ITGA6: variants seen among roughly 807,000 people sequenced by gnomAD.
ITGA6 encodes integrin subunit alpha 6.
ITGA6 carries 63 observed loss-of-function variants against 133.6 expected under a neutral mutation model. The ratio of observed to expected loss-of-function variants is 0.47; its 90% CI spans 0.38 to 0.58. The LOEUF (loss-of-function observed/expected upper bound fraction) is 0.58. Among genes scored for constraint, ITGA6 ranks in the 20% least tolerant of loss-of-function variants. The pLI, the probability that ITGA6 is intolerant of heterozygous loss-of-function variation, is 0.00. For synonymous variants in ITGA6, 434 were observed against 482.0 expected (o/e 0.90, Z 1.30); for missense variants, 1,068 against 1,309.4 (o/e 0.82, Z 2.85).
rs754895485 is a variant in ITGA6 at position 172,484,952 on chromosome 2, G to GC, written c.1710+11dup. 5.0e-6 allele frequency: 8 copies of GC among 1,613,194 alleles called. No individual in the cohort carries two copies. The South Asian group carries it at 6.6e-5, about 13-fold the overall frequency. ...AACCCTGTGGCTACAGGTGAGGGCT[G>GC]CAGATGGTCACATCTGTTTTATGAA... On this transcript the variant is annotated intron_variant, in intron 12 of 25. Coordinates refer to ENST00000684293, the MANE Select transcript of ITGA6 (RefSeq NM_000210.4).
chr2:172,471,744 T>C (rs1559137901), intron 5 of ITGA6, among the ~76,000 whole-genome samples: 1 of 152,204 alleles, frequency 6.6e-6, no homozygotes, highest in Non-Finnish European at 1.5e-5. Flanking sequence ...GCATGACTAA[T>C]GGGTGTCCTA....
chr2:172,428,630 C>T lies in ITGA6; in HGVS notation c.182+660C>T, dbSNP rs73976795. 6.6e-3 allele frequency: 1,003 copies of T among 151,776 alleles called. 12 individuals carry two copies. The highest frequency in any genetic ancestry group is 0.022 in the African/African-American group (903 of 41,340). The allele number at this position is 151,776 out of a possible 1,614,324, so 9.4% of individuals were successfully genotyped here. A position where few individuals can be genotyped will look rare whatever the true frequency, so the allele number is the denominator to read the frequency against. ...GACTAGATCAGCTGAGAAAACAAGT[C>T]TGAGTGATGTGCCCAGCCCCCAAAG... On this transcript the variant is annotated intron_variant, in intron 1 of 25. Transcript: ENST00000684293.
chr2:172,452,147 C>T (rs1447227824), intron 1 of ITGA6, among the ~76,000 whole-genome samples: 1 of 152,164 alleles, frequency 6.6e-6, no homozygotes, highest in Non-Finnish European at 1.5e-5. Context: ...TCTCCGGCTT[C>T]CCTCAACCTT....
chr2:172,474,959 G>A lies in ITGA6; in HGVS notation c.1017G>A (p.Gln339=), dbSNP rs748077240. 1.7e-5 allele frequency: 27 copies of A among 1,584,924 alleles called. No individual in the cohort carries two copies. The highest frequency in any genetic ancestry group is 2.3e-5 in the Non-Finnish European group (26 of 1,153,390). ...GWQDIVIGAP[Q]YFDRDGEVGG... ...AAGATATAGTTATTGGAGCCCCACA[G>A]TATTTTGATAGAGATGGAGAAGTTG... is the stretch of plus-strand genomic sequence containing the variant. The change falls in exon 7 of 26, where the codon CAG becomes CAA. Residue 339 remains glutamine, a synonymous_variant. Coordinates refer to ENST00000684293, the MANE Select transcript of ITGA6 (RefSeq NM_000210.4).
intron 5 of ITGA6, chr2:172,472,777 T>C: frequency 6.2e-7 from 1 of 1,604,842 alleles, no homozygotes; most frequent in Non-Finnish European, 8.5e-7. Context: ...CGTACAGGCC[T>C]GCTGTTTTTG....
At chr2:172,458,239 A>G (rs1248195734) in intron 1 of ITGA6, among the ~76,000 whole-genome samples, 1 of 146,424 alleles carries the variant, frequency 6.8e-6, no homozygotes, top group Non-Finnish European at 1.5e-5. Context: ...CACAAAAATA[A>G]TGAATTCTTT....
intron 1 of ITGA6, among the ~76,000 whole-genome samples, chr2:172,435,796 T>G (rs772299542): frequency 1.8e-4 from 28 of 151,740 alleles, no homozygotes; most frequent in Non-Finnish European, 3.8e-4. Flanking sequence ...CCCAGCAATT[T>G]TTTTGTGTTT....
intron 23 of ITGA6, among the ~76,000 whole-genome samples, chr2:172,494,712 C>T (rs1250943787): frequency 6.6e-6 from 1 of 152,124 alleles, no homozygotes; most frequent in East Asian, 1.9e-4. Context: ...GGGTAAGATA[C>T]AGTGTCAACT....
intron 2 of ITGA6, 182 bp downstream of exon 2, chr2:172,465,845 G>T (rs1685645887): frequency 2.3e-6 from 2 of 879,842 alleles, no homozygotes; most frequent in Non-Finnish European, 3.5e-6. Flanking sequence ...ATCATACTGG[G>T]ATGCCGCGTG....
At chr2:172,444,503 G>A (rs1684669982) in intron 1 of ITGA6, among the ~76,000 whole-genome samples, 1 of 152,098 alleles carries the variant, frequency 6.6e-6, no homozygotes, top group Admixed American at 6.6e-5. Context: ...ACATGCAAGA[G>A]AAACATTCAT....
At position 172,501,816 on chromosome 2, in the gene ITGA6, A is replaced by AT. The variant is rs747443802; in HGVS notation, c.3160dup (p.Tyr1054LeufsTer5). On this transcript the variant is annotated frameshift_variant, in exon 25 of 26. Transcript: ENST00000684293. LOFTEE classifies it high-confidence loss of function. ...ATAAGAAAGATCATTATGATGCCAC[A>AT]TATCACAAGGCTGAGATCCATGCTC... 3.7e-6 allele frequency: 6 copies of AT among 1,612,262 alleles called. No homozygotes were observed. Among genetic ancestry groups the AT allele is most frequent in the Non-Finnish European group, 5.1e-6 (6 of 1,178,886 alleles).
chr2:172,489,832 T>C (rs761772013), intron 20 of ITGA6, 174 bp downstream of exon 20: 9 of 629,960 alleles, frequency 1.4e-5, no homozygotes, highest in Non-Finnish European at 2.5e-5. Flanking sequence ...CTGAGGCATT[T>C]TTGCTGGTTA....
At chr2:172,432,891 G>T (rs1263543989) in intron 1 of ITGA6, among the ~76,000 whole-genome samples, 1 of 152,248 alleles carries the variant, frequency 6.6e-6, no homozygotes, top group African/African-American at 2.4e-5. Flanking sequence ...TCAAATGGAA[G>T]TGTGCAGTAC....
At chr2:172,461,954 ATTG>A (rs1685442989) in intron 1 of ITGA6, among the ~76,000 whole-genome samples, 1 of 152,010 alleles carries the variant, frequency 6.6e-6, no homozygotes, top group African/African-American at 2.4e-5. Flanking sequence ...TACCTTATTT[ATTG>A]TTCCTGCTAG....
In ITGA6 at chr2:172,487,097, C is replaced by T; in HGVS notation, c.1929C>T (p.Cys643=). ...ACCTTAAACTAGAATATAAATTTTG[C>T]ACCCGAGAAGGAAATCAAGACAAAT... The part of the protein sequence containing the change: ...NSNLKLEYKF[C]TREGNQDKFS... The change falls in exon 14 of 26, where the codon TGC becomes TGT. Residue 643 remains cysteine (C), a synonymous_variant. Coordinates refer to ENST00000684293, the MANE Select transcript of ITGA6 (RefSeq NM_000210.4). 1.9e-6 allele frequency: 3 copies of T among 1,612,040 alleles called. No homozygotes were observed. The highest frequency in any genetic ancestry group is 2.2e-5 in the South Asian group (2 of 91,038).
rs538055220 is a variant in ITGA6, at chr2:172,471,797, A to C, written c.775+692A>C. 5.9e-5 allele frequency among the ~76,000 whole-genome samples: 9 copies of C among 152,310 alleles called. No individual in the cohort carries two copies. In the South Asian group the frequency reaches 1.7e-3, roughly 28 times the overall value. ...ATGGTAATTACACAAAGGCTTTTAA[A>C]AGCTTTAATTCTTGGTATGAGTTGA... is the stretch of plus-strand genomic sequence containing the variant. On this transcript the variant is annotated intron_variant, in intron 5 of 25. Coordinates refer to ENST00000684293, the MANE Select transcript of ITGA6 (RefSeq NM_000210.4).
rs548316076 is a variant in ITGA6, at chr2:172,470,048, A to G, written c.643+668A>G. Among the ~76,000 whole-genome samples the G allele has an allele frequency of 2.0e-5, 3 of 152,350 alleles. No individual in the cohort carries two copies. The East Asian group carries it at 5.8e-4, about 29-fold the overall frequency. On this transcript the variant is annotated intron_variant, in intron 4 of 25. Transcript: ENST00000684293. ...ATAAAAGACAACCTAACTCTCATCC[A>G]TGATGAAGAGAACTGCATCTGATTT...
At chr2:172,474,602 G>A (rs767437919) in intron 6 of ITGA6, among the ~76,000 whole-genome samples, 14 of 152,188 alleles carry the variant, frequency 9.2e-5, no homozygotes, top group Non-Finnish European at 1.8e-4. Context: ...ATCAGCTCCC[G>A]TTGAAAACAG....
intron 1 of ITGA6, among the ~76,000 whole-genome samples, chr2:172,448,825 A>C (rs1684871751): frequency 6.6e-6 from 1 of 152,176 alleles, no homozygotes; most frequent in Non-Finnish European, 1.5e-5. Flanking sequence ...TTCTTCTCCA[A>C]ACACCCTTAA....
Sources: gnomAD v4.1 joint callset for allele counts (sites outside exome capture counted in the v4.1 genomes callset) on GRCh38, gnomAD v4.1.1 for gene constraint, MANE v1.5 for transcripts, NCBI Gene and HGNC (gene_info 2026-07-23, HGNC 2026-07-21) for gene names.